Variants in PDGFD observed in about 807,000 individuals in gnomAD.
PDGFD encodes platelet-derived growth factor D.
In PDGFD, 30 loss-of-function variants were observed where a neutral mutation model predicts 44.7. The ratio of observed to expected loss-of-function variants is 0.67; its 90% CI spans 0.50 to 0.91. PDGFD has a LOEUF of 0.91. Ranked by LOEUF, PDGFD falls within the 40% of genes least tolerant of loss-of-function variation. The pLI is 0.00. For missense variants in PDGFD, 445 were observed against 457.8 expected (o/e 0.97, Z 0.25); for synonymous variants, 173 against 168.4 (o/e 1.03, Z -0.21).
intron 1 of PDGFD, among the ~76,000 whole-genome samples, chr11:104,057,967 C>CA (rs1860648981): frequency 6.6e-6 from 1 of 151,886 alleles, no homozygotes; most frequent in African/African-American, 2.4e-5. Flanking sequence ...AATCCATAAG[C>CA]AAAAAACAAA....
chr11:103,952,738 T>C (rs1274375806), intron 3 of PDGFD, among the ~76,000 whole-genome samples: 1 of 152,218 alleles, frequency 6.6e-6, no homozygotes, highest in Non-Finnish European at 1.5e-5. Context: ...CATCTCAATC[T>C]GCATTGCCTT....
chr11:103,959,422 T>C (rs374670669), intron 3 of PDGFD, among the ~76,000 whole-genome samples: 3 of 152,328 alleles, frequency 2.0e-5, no homozygotes, highest in Admixed American at 6.5e-5. Context: ...ACTAGAGAGA[T>C]GGTTAATGTA....
chr11:104,135,277 C>CAT (rs1355962509), intron 1 of PDGFD, among the ~76,000 whole-genome samples: 14 of 152,236 alleles, frequency 9.2e-5, no homozygotes, highest in African/African-American at 3.4e-4. Flanking sequence ...AGCCAAAAGG[C>CAT]CTGGGGCAGC....
chr11:104,137,010 T>G (rs1048312464), intron 1 of PDGFD, among the ~76,000 whole-genome samples: 1 of 152,026 alleles, frequency 6.6e-6, no homozygotes, highest in Non-Finnish European at 1.5e-5. Context: ...GTGAAATGGC[T>G]TATCAGTGAC....
intron 1 of PDGFD, among the ~76,000 whole-genome samples, chr11:104,031,405 T>G (rs1860122683): frequency 1.3e-5 from 2 of 152,206 alleles, no homozygotes; most frequent in South Asian, 4.1e-4. Context: ...CAAGCATCAC[T>G]GATCATTAAA....
chr11:103,956,260 T>C (rs1489850581), intron 3 of PDGFD, among the ~76,000 whole-genome samples: 1 of 151,230 alleles, frequency 6.6e-6, no homozygotes, highest in Non-Finnish European at 1.5e-5. Flanking sequence ...CCCCTTCCTG[T>C]GTCCATGTGT....
At chr11:103,927,205 T>C (rs1321056135) in intron 5 of PDGFD, 79 bp from the exon 6 acceptor site, 1 of 1,295,152 alleles carries the variant, frequency 7.7e-7, no homozygotes, top group Non-Finnish European at 1.1e-6. Context: ...GGGAATAGAG[T>C]GGGAAGATTC....
At chr11:103,935,345 A>G (rs533418601) in intron 5 of PDGFD, among the ~76,000 whole-genome samples, 2 of 152,202 alleles carry the variant, frequency 1.3e-5, no homozygotes, top group Non-Finnish European at 2.9e-5. Context: ...GTGCCCTCAT[A>G]GACACACACA....
intron 2 of PDGFD, 127 bp from the exon 3 acceptor site, chr11:103,996,372 T>C (rs1185868333): frequency 3.5e-6 from 3 of 862,822 alleles, no homozygotes; most frequent in African/African-American, 3.5e-5. Flanking sequence ...AAAATTATAA[T>C]GTACAGAAAT....
At chr11:104,159,814 G>A (rs1056313641) in intron 1 of PDGFD, among the ~76,000 whole-genome samples, 1 of 152,114 alleles carries the variant, frequency 6.6e-6, no homozygotes, top group African/African-American at 2.4e-5. Context: ...GGTCATTAAT[G>A]TCACTCACAA....
chr11:104,159,030 G>A (rs1242412787), intron 1 of PDGFD, among the ~76,000 whole-genome samples: 2 of 151,508 alleles, frequency 1.3e-5, no homozygotes, highest in African/African-American at 4.9e-5. Context: ...GTAGGCGCCT[G>A]TAGTCCCAGC....
chr11:104,095,843 C>T (rs1861277321), intron 1 of PDGFD, among the ~76,000 whole-genome samples: 1 of 152,160 alleles, frequency 6.6e-6, no homozygotes, highest in Non-Finnish European at 1.5e-5. Flanking sequence ...TCCTATTTAT[C>T]TCTTTATATA....
At chr11:104,037,806 G>A (rs1346119457) in intron 1 of PDGFD, 1 of 1,614,030 alleles carries the variant, frequency 6.2e-7, no homozygotes, top group Non-Finnish European at 8.5e-7. Context: ...CCATGGATAT[G>A]CTTCTAGGCC....
At chr11:104,099,675 T>TAATAATAATAAA (rs1223676211) in intron 1 of PDGFD, among the ~76,000 whole-genome samples, 5 of 138,164 alleles carry the variant, frequency 3.6e-5, no homozygotes, top group African/African-American at 1.3e-4. Context: ...ATAATAATAA[T>TAATAATAATAAA]AAATCAAACC....
Position 104,055,718 on chromosome 11 carries a change from T to G in PDGFD, c.125-55463A>C, listed in dbSNP as rs1591141836. On this transcript the variant is annotated intron_variant, in intron 1 of 6. Transcript: ENST00000393158. ...TGACATAATAGATATTGATGTGTTA[T>G]TTCCCCAGTTTGAGTGCTTTGAAGG... is the stretch of plus-strand genomic sequence containing the variant. Among the ~76,000 whole-genome samples the G allele has an allele frequency of 2.0e-5, 3 of 152,324 alleles. No individual in the cohort carries two copies. The South Asian group carries it at 6.2e-4, about 32-fold the overall frequency.
intron 1 of PDGFD, among the ~76,000 whole-genome samples, chr11:104,008,911 A>G (rs2134373129): frequency 6.6e-6 from 1 of 152,222 alleles, no homozygotes; most frequent in Middle Eastern, 3.4e-3. Context: ...TAATAATGCA[A>G]ATTATTAATA....
intron 1 of PDGFD, among the ~76,000 whole-genome samples, chr11:104,036,079 G>GA (rs759048104): frequency 1.1e-4 from 17 of 152,144 alleles, no homozygotes; most frequent in Admixed American, 4.6e-4. Flanking sequence ...ACTGTTTGGG[G>GA]AAAAAACAAA....
chr11:104,102,382 C>T (rs1170586897), intron 1 of PDGFD, among the ~76,000 whole-genome samples: 12 of 152,198 alleles, frequency 7.9e-5, no homozygotes, highest in Admixed American at 7.2e-4. Flanking sequence ...AATGAGATAC[C>T]ATCTCACACC....
intron 5 of PDGFD, among the ~76,000 whole-genome samples, chr11:103,940,826 C>A (rs1273462318): frequency 1.3e-5 from 2 of 152,014 alleles, no homozygotes; most frequent in Non-Finnish European, 2.9e-5. Context: ...AGAAATGCAA[C>A]CTAAGCCAGC....
Sources: gnomAD v4.1 joint callset for allele counts (sites outside exome capture counted in the v4.1 genomes callset) on GRCh38, gnomAD v4.1.1 for gene constraint, MANE v1.5 for transcripts, NCBI Gene and HGNC (gene_info 2026-07-23, HGNC 2026-07-21) for gene names.